The following CRYBA4 variants were observed in gnomAD, a reference collection of about 807,000 sequenced individuals.
CRYBA4 encodes the protein beta-crystallin A4.
In CRYBA4, 30 loss-of-function variants were observed where a neutral mutation model predicts 31.7. That is an observed-to-expected ratio of 0.95 (90% CI 0.71 to 1.28). CRYBA4 has a LOEUF of 1.28. CRYBA4 is among the 50% of genes most tolerant of loss of function. The pLI, the probability that CRYBA4 is intolerant of heterozygous loss-of-function variation, is 0.00. For synonymous variants in CRYBA4, 102 were observed against 102.3 expected (o/e 1.00, Z 0.02); for missense variants, 225 against 260.7 (o/e 0.86, Z 0.94).
chr22:26,613,218 G>T, the CRYBA4 span, among the ~76,000 whole-genome samples: 1 of 152,224 alleles, frequency 6.6e-6, no homozygotes, highest in African/African-American at 2.4e-5. Flanking sequence ...TCCACTTGCT[G>T]TTCCAAGTTG....
chr22:26,601,186 G>A, the CRYBA4 span, among the ~76,000 whole-genome samples: 1 of 152,290 alleles, frequency 6.6e-6, no homozygotes, highest in Middle Eastern at 3.4e-3. Flanking sequence ...AGAGCCTTAC[G>A]TTTACCTAGA....
the CRYBA4 span, chr22:26,601,996 A>G: frequency 6.2e-7 from 1 of 1,613,836 alleles, no homozygotes; most frequent in Non-Finnish European, 8.5e-7. Context: ...CCCTTCAAAC[A>G]GGGAGATTTT....
At chr22:26,611,681 A>G in the CRYBA4 span, among the ~76,000 whole-genome samples, 1 of 152,006 alleles carries the variant, frequency 6.6e-6, no homozygotes, top group Non-Finnish European at 1.5e-5. Flanking sequence ...TCACCTTGTT[A>G]GCCAGGATGG....
chr22:26,603,456 G>A, the CRYBA4 span, among the ~76,000 whole-genome samples: 8,670 of 151,928 alleles, frequency 0.057, 344 homozygotes, highest in Non-Finnish European at 0.091. Context: ...CTTGAACCTG[G>A]GAGGTGGAGG....
upstream of CRYBA4, among the ~76,000 whole-genome samples, chr22:26,620,283 A>G (rs534942496): frequency 2.0e-5 from 3 of 152,148 alleles, no homozygotes; most frequent in Non-Finnish European, 4.4e-5. Context: ...TGGAAATACC[A>G]CAATATTTTT....
the CRYBA4 span, among the ~76,000 whole-genome samples, chr22:26,608,416 A>C: frequency 6.9e-6 from 1 of 145,278 alleles, no homozygotes. Flanking sequence ...AGCTAGGAGA[A>C]AGGCTCGTTT....
the CRYBA4 span, among the ~76,000 whole-genome samples, chr22:26,613,194 T>C: frequency 6.6e-6 from 1 of 152,256 alleles, no homozygotes; most frequent in African/African-American, 2.4e-5. Context: ...CTAAGCCTCA[T>C]GTTTGGTTCC....
chr22:26,597,961 G>A, the CRYBA4 span, among the ~76,000 whole-genome samples: 1 of 151,976 alleles, frequency 6.6e-6, no homozygotes, highest in South Asian at 2.1e-4. Context: ...TTGGCTCACT[G>A]CAACCTCTGC....
chr22:26,609,035 C>A, the CRYBA4 span, among the ~76,000 whole-genome samples: 1 of 152,124 alleles, frequency 6.6e-6, no homozygotes, highest in Non-Finnish European at 1.5e-5. Flanking sequence ...ATAAGACAAT[C>A]CCCATTCCGT....
At chr22:26,625,378 C>T (rs1199621541) in intron 3 of CRYBA4, 103 bp from the exon 4 acceptor site, 5 of 1,331,194 alleles carry the variant, frequency 3.8e-6, no homozygotes, top group Middle Eastern at 3.8e-4. Context: ...GCACAGTCAC[C>T]CCTGAATGGT....
At position 26,623,351 on chromosome 22, in the gene CRYBA4, G is replaced by C; in HGVS notation, c.157G>C (p.Ala53Pro). ...GCGATCTTTGAAAGTGCTGAGTGGA[G>C]CGTGAGTCTAGGGGGACACTGAGTT... Reference protein sequence around the residue: ...TVRSLKVLSGAWVGFEHAGFQ... With the variant: ...TVRSLKVLSGPWVGFEHAGFQ... The change falls in exon 3 of 6, where the codon GCG becomes CCG. Residue 53 changes from alanine to proline, a missense_variant and splice_region_variant. Coordinates refer to ENST00000354760, the MANE Select transcript of CRYBA4 (RefSeq NM_001886.3). 1 of 1,611,956 alleles carries C rather than the reference G, an allele frequency of 6.2e-7. No individual in the cohort carries two copies. The highest frequency in any genetic ancestry group is 8.5e-7 in the Non-Finnish European group (1 of 1,178,078).
the CRYBA4 span, among the ~76,000 whole-genome samples, chr22:26,608,462 C>CT: frequency 1.3e-5 from 2 of 152,164 alleles, no homozygotes; most frequent in Non-Finnish European, 2.9e-5. Context: ...CTAATCTCTC[C>CT]TTTTTTTCTT....
chr22:26,596,663 T>C, the CRYBA4 span: 1 of 152,168 alleles, frequency 6.6e-6, no homozygotes. Flanking sequence ...ACTATGGAAG[T>C]CAATTTCAGG....
chr22:26,628,049 GAAAA>G (rs1208467269), intron 4 of CRYBA4, among the ~76,000 whole-genome samples: 4 of 151,926 alleles, frequency 2.6e-5, no homozygotes, highest in African/African-American at 9.7e-5. Flanking sequence ...GTTTGTTTTT[GAAAA>G]AACTGTTATG....
rs1449185114 is a variant in CRYBA4 at position 26,630,489 on chromosome 22, C to G, written c.*2C>G. ...AGCATCCGCAGGATCCAGCAGTGAA[C>G]AGGGGTGCGGCACGGAGGAGCGCAT... On this transcript the variant is annotated 3_prime_UTR_variant, in exon 6 of 6. Transcript: ENST00000354760. 1 of 1,612,726 alleles carries G rather than the reference C, an allele frequency of 6.2e-7. No individual in the cohort carries two copies. The highest frequency in any genetic ancestry group is 1.3e-5 in the African/African-American group (1 of 74,940).
At chr22:26,618,369 A>G (rs1360319448), upstream of CRYBA4, among the ~76,000 whole-genome samples, 1 of 152,208 alleles carries the variant, frequency 6.6e-6, no homozygotes, top group East Asian at 1.9e-4. Flanking sequence ...TTGAATCCTG[A>G]CTCAGCCACT....
chr22:26,601,347 G>A, the CRYBA4 span, among the ~76,000 whole-genome samples: 2 of 152,142 alleles, frequency 1.3e-5, no homozygotes, highest in Non-Finnish European at 2.9e-5. Context: ...AGCAGGAAGG[G>A]CACTCTTGGA....
At chr22:26,619,571 C>G (rs74850745), upstream of CRYBA4, among the ~76,000 whole-genome samples, 3 of 152,098 alleles carry the variant, frequency 2.0e-5, no homozygotes. Context: ...CTAGGCTCCC[C>G]GTGGAGCCCA....
At chr22:26,610,950 G>A in the CRYBA4 span, among the ~76,000 whole-genome samples, 2 of 152,160 alleles carry the variant, frequency 1.3e-5, no homozygotes, top group African/African-American at 4.8e-5. Flanking sequence ...TTCAAAGTGG[G>A]GGAGACAAGA....
Sources: allele counts gnomAD v4.1 joint callset (sites outside exome capture counted in the v4.1 genomes callset), GRCh38; gene constraint gnomAD v4.1.1; transcripts MANE v1.5; gene names NCBI Gene and HGNC (gene_info 2026-07-23, HGNC 2026-07-21).